Variants in KLKB1 observed in about 807,000 individuals in gnomAD.
KLKB1 encodes the protein kallikrein B1.
In KLKB1, 58 loss-of-function variants were observed where a neutral mutation model predicts 73.6. That is an observed-to-expected ratio of 0.79 (90% CI 0.64 to 0.98). The LOEUF (loss-of-function observed/expected upper bound fraction) is 0.98, where lower values mean the gene tolerates loss of function less well. KLKB1 is among the 50% of genes least tolerant of loss of function. The pLI is 0.00. For synonymous variants in KLKB1, 280 were observed against 258.1 expected, an observed-to-expected ratio of 1.08 and a Z score of -0.81; for missense variants, 737 against 763.8, an observed-to-expected ratio of 0.96 and a Z score of 0.41.
At position 186,238,313 on chromosome 4, in the gene KLKB1, G is replaced by A. The variant is rs769742499; in HGVS notation, c.546G>A (p.Leu182=). ...GAACACCTACCGCTATAAAGGTGCT[G>A]AGTAACGTGGAATCTGGATTCTCAC... The part of the protein sequence containing the change: ...PGGTPTAIKV[L]SNVESGFSLK... Residue 182 remains leucine, a synonymous_variant, in exon 6 of 15, where the codon CTG becomes CTA. Coordinates refer to ENST00000264690, the MANE Select transcript of KLKB1 (RefSeq NM_000892.5). The A allele has an allele frequency of 6.2e-7, 1 of 1,613,944 alleles. No homozygotes were observed. Among genetic ancestry groups the A allele is most frequent in the Non-Finnish European group, 8.5e-7 (1 of 1,179,944 alleles).
At chr4:186,219,584 A>C (rs897522664) in intron 2 of KLKB1, among the ~76,000 whole-genome samples, 8 of 152,240 alleles carry the variant, frequency 5.3e-5, no homozygotes, top group Non-Finnish European at 1.2e-4. Context: ...TGTTCCTAAC[A>C]AAATAAGGAG....
chr4:186,234,497 G>T (rs1321972736), intron 4 of KLKB1, among the ~76,000 whole-genome samples: 4 of 152,168 alleles, frequency 2.6e-5, no homozygotes, highest in Non-Finnish European at 5.9e-5. Context: ...CAACTAGGGA[G>T]GATGCTATTA....
At chr4:186,250,456 T>A (rs1738609424) in intron 7 of KLKB1, 54 bp downstream of exon 7, 1 of 1,578,344 alleles carries the variant, frequency 6.3e-7, no homozygotes, top group Non-Finnish European at 8.7e-7. Context: ...GGGGAGCACT[T>A]GCTGCTGTAC....
chr4:186,229,827 G>C (rs1252455190), intron 2 of KLKB1, among the ~76,000 whole-genome samples: 1 of 152,220 alleles, frequency 6.6e-6, no homozygotes, highest in Non-Finnish European at 1.5e-5. Context: ...TGGTGACCCT[G>C]ATTCTTCTGC....
intron 2 of KLKB1, among the ~76,000 whole-genome samples, chr4:186,214,118 CTG>C (rs1736822744): frequency 1.3e-5 from 2 of 152,160 alleles, no homozygotes; most frequent in East Asian, 3.9e-4. Flanking sequence ...CAGTCCATCT[CTG>C]TGGTGGAAAC....
At chr4:186,255,413 A>G (rs756972881) in intron 12 of KLKB1, among the ~76,000 whole-genome samples, 21 of 152,144 alleles carry the variant, frequency 1.4e-4, no homozygotes, top group Non-Finnish European at 2.9e-4. Context: ...ATTAGAAAAA[A>G]ACAATTAACT....
At chr4:186,244,244 AGTTTATATAATG>A (rs144829421) in intron 6 of KLKB1, among the ~76,000 whole-genome samples, 24,515 of 151,836 alleles carry the variant, frequency 0.16, 2,269 homozygotes, top group East Asian at 0.29. Flanking sequence ...TGCTTTTGTG[AGTTTATATAATG>A]GTTTAGTCAG....
chr4:186,240,356 G>C (rs1737962907), intron 6 of KLKB1, among the ~76,000 whole-genome samples: 1 of 152,014 alleles, frequency 6.6e-6, no homozygotes, highest in East Asian at 1.9e-4. Context: ...CGTTGTAATA[G>C]TTATAGGACA....
At chr4:186,226,150 A>C (rs1737160695), upstream of KLKB1, among the ~76,000 whole-genome samples, 1 of 151,274 alleles carries the variant, frequency 6.6e-6, no homozygotes, top group Non-Finnish European at 1.5e-5. Context: ...TGAACTTCTA[A>C]TTTTGCTCAT....
At chr4:186,247,548 G>C (rs1180691306) in intron 6 of KLKB1, among the ~76,000 whole-genome samples, 1 of 152,156 alleles carries the variant, frequency 6.6e-6, no homozygotes, top group Non-Finnish European at 1.5e-5. Flanking sequence ...AGGCCATCTG[G>C]ATGTATGCAT....
chr4:186,236,338 G>A (rs1387011986), intron 4 of KLKB1, among the ~76,000 whole-genome samples: 1 of 152,142 alleles, frequency 6.6e-6, no homozygotes, highest in Non-Finnish European at 1.5e-5. Context: ...AGGAGAAGTC[G>A]AAAGCAAAGA....
rs777612461 is a variant in KLKB1 at position 186,258,071 on chromosome 4, G to A, written c.1776G>A (p.Leu592=). ...LVCKHNGMWR[L]VGITSWGEGC... Reference sequence around the variant, plus strand: ...GCAAACACAATGGAATGTGGCGTTTGGTGGGCATCACCAGCTGGGGTGAAG... The same window carrying A: ...GCAAACACAATGGAATGTGGCGTTTAGTGGGCATCACCAGCTGGGGTGAAG... The change falls in exon 15 of 15, where the codon TTG becomes TTA. Residue 592 remains leucine, a synonymous_variant. Transcript: ENST00000264690. 43 of 1,614,062 alleles carry A rather than the reference G, an allele frequency of 2.7e-5. 1 individual carries two copies. In the South Asian group the frequency reaches 4.7e-4, roughly 18 times the overall value.
chr4:186,240,461 G>C (rs1737971532), intron 6 of KLKB1, among the ~76,000 whole-genome samples: 1 of 152,138 alleles, frequency 6.6e-6, no homozygotes, highest in East Asian at 1.9e-4. Context: ...GACTCTACCA[G>C]GGGTAGGGAA....
At chr4:186,238,183 C>T (rs901331586) in intron 5 of KLKB1, 73 bp from the exon 6 acceptor site, 1 of 948,686 alleles carries the variant, frequency 1.1e-6, no homozygotes, top group African/African-American at 1.6e-5. Context: ...CATTTTAATA[C>T]TAACTGTTAC....
At chr4:186,236,103 G>C (rs1162192967) in intron 4 of KLKB1, among the ~76,000 whole-genome samples, 2 of 104,842 alleles carry the variant, frequency 1.9e-5, no homozygotes, top group African/African-American at 4.1e-5. Flanking sequence ...GACAGAGCGA[G>C]ACTCCGTCTC....
rs1738889997 is a variant in KLKB1 at position 186,254,705 on chromosome 4, C to T, written c.1431C>T (p.Val477=). The T allele has an allele frequency of 6.2e-7, 1 of 1,613,642 alleles. No individual in the cohort carries two copies. Among genetic ancestry groups the T allele is most frequent in the Admixed American group, 1.7e-5 (1 of 60,004 alleles). ...KEIIIHQNYK[V]SEGNHDIALI... Reference sequence around the variant, plus strand: ...TTATTATTCACCAAAACTATAAAGTCTCAGAAGGGAATCATGATATCGCCT... The same window carrying T: ...TTATTATTCACCAAAACTATAAAGTTTCAGAAGGGAATCATGATATCGCCT... Residue 477 remains valine (V), a synonymous_variant, in exon 12 of 15, where the codon GTC becomes GTT. Coordinates refer to ENST00000264690, the MANE Select transcript of KLKB1 (RefSeq NM_000892.5).
At chr4:186,234,331 C>G (rs1579998686) in intron 4 of KLKB1, among the ~76,000 whole-genome samples, 1 of 152,164 alleles carries the variant, frequency 6.6e-6, no homozygotes, top group East Asian at 1.9e-4. Flanking sequence ...ATAATTGTGT[C>G]TCGTTTCCAG....
intron 4 of KLKB1, among the ~76,000 whole-genome samples, chr4:186,236,168 T>C (rs967405655): frequency 6.7e-6 from 1 of 150,210 alleles, no homozygotes; most frequent in Non-Finnish European, 1.5e-5. Flanking sequence ...GTGAAAAGAA[T>C]TATCTGTATC....
chr4:186,223,320 C>A (rs897910203), upstream of KLKB1, among the ~76,000 whole-genome samples: 3 of 152,134 alleles, frequency 2.0e-5, no homozygotes, highest in African/African-American at 7.2e-5. Flanking sequence ...GGGTAACAGG[C>A]AGAGGTTGGA....
Sources: allele counts gnomAD v4.1 joint callset (sites outside exome capture counted in the v4.1 genomes callset), GRCh38; gene constraint gnomAD v4.1.1; transcripts MANE v1.5; gene names NCBI Gene and HGNC (gene_info 2026-07-23, HGNC 2026-07-21).